Variants in RBFOX1 observed in about 807,000 individuals in gnomAD.
RBFOX1 encodes RNA binding fox-1 homolog 1, also known as RNA binding protein fox-1 homolog 1.
In RBFOX1, 8 loss-of-function variants were observed where a neutral mutation model predicts 57.7. That is an observed-to-expected ratio of 0.14 (90% CI 0.08 to 0.25). The LOEUF (loss-of-function observed/expected upper bound fraction) is 0.25. Ranked by LOEUF, RBFOX1 falls within the 10% of genes least tolerant of loss-of-function variation. RBFOX1 has a pLI of 1.00. For synonymous variants in RBFOX1, 326 were observed against 222.4 expected (o/e 1.47, Z -4.15); for missense variants, 611 against 548.5 (o/e 1.11, Z -1.14).
intron 2 of RBFOX1, among the ~76,000 whole-genome samples, chr16:6,354,401 C>T (rs1025920479): frequency 9.2e-5 from 14 of 152,136 alleles, no homozygotes; most frequent in East Asian, 3.9e-4. Flanking sequence ...ATCACCTCTC[C>T]GCTTCCACTC....
At position 6,637,167 on chromosome 16, in the gene RBFOX1, T is replaced by TTAAA. The variant is rs572425812; in HGVS notation, c.-63-17434_-63-17433insAATA. Among the ~76,000 whole-genome samples, 132 of 82,058 alleles carry TTAAA rather than the reference T, an allele frequency of 1.6e-3. 3 individuals are homozygous for TTAAA. The highest frequency in any genetic ancestry group is 8.1e-3 in the African/African-American group (127 of 15,764). The allele number at this position is 82,058 out of a possible 152,430, so 53.8% of individuals were successfully genotyped here. ...TATAATATACAATATATATTATATATTATATATATTATATAATATACAATA... is the reference window on the plus strand; with the variant it reads ...TATAATATACAATATATATTATATATTAAATATATATATTATATAATATACAATA... On this transcript the variant is annotated intron_variant, in intron 2 of 15. Transcript: ENST00000550418.
intron 2 of RBFOX1, among the ~76,000 whole-genome samples, chr16:6,533,686 T>C (rs2096693842): frequency 6.6e-6 from 1 of 152,126 alleles, no homozygotes; most frequent in Admixed American, 6.6e-5. Context: ...AATGGAAACA[T>C]TTAACTCAGA....
At chr16:7,436,112 G>A (rs1396792388) in intron 4 of RBFOX1, among the ~76,000 whole-genome samples, 1 of 152,168 alleles carries the variant, frequency 6.6e-6, no homozygotes, top group Admixed American at 6.5e-5. Context: ...ACTCAAGATA[G>A]CCTTTTTGGA....
intron 4 of RBFOX1, among the ~76,000 whole-genome samples, chr16:7,199,710 C>A (rs7205821): frequency 1.3e-5 from 2 of 152,068 alleles, no homozygotes; most frequent in Non-Finnish European, 2.9e-5. Flanking sequence ...CCTTTGCCAA[C>A]GTGGTGAAAC....
chr16:6,441,561 C>G (rs548167647), intron 2 of RBFOX1, among the ~76,000 whole-genome samples: 10 of 152,154 alleles, frequency 6.6e-5, no homozygotes, highest in Admixed American at 6.5e-4. Context: ...GGATTACAGG[C>G]GTGTGCCACC....
intron 3 of RBFOX1, among the ~76,000 whole-genome samples, chr16:6,778,067 G>A (rs1372796449): frequency 6.6e-6 from 1 of 152,028 alleles, no homozygotes; most frequent in African/African-American, 2.4e-5. Context: ...CAACATAAAC[G>A]GAATAACAAA....
chr16:5,641,477 A>T (rs1002086474), intron 3 of RBFOX1, among the ~76,000 whole-genome samples: 7 of 152,216 alleles, frequency 4.6e-5, no homozygotes, highest in Non-Finnish European at 8.8e-5. Flanking sequence ...GGATAAGGGT[A>T]AGTAGAAAGG....
At position 5,851,165 on chromosome 16, in the gene RBFOX1, A is replaced by G. The variant is rs372352906; in HGVS notation, c.319-16138A>G. On this transcript the variant is annotated intron_variant, in intron 3 of 19. Coordinates refer to the RBFOX1 transcript ENST00000641259. ...ATTCTGGGTTGTGAAGCCAGACCCTATGACGGTAGTAACTCTCCCGCTAGT... is the reference window on the plus strand; with the variant it reads ...ATTCTGGGTTGTGAAGCCAGACCCTGTGACGGTAGTAACTCTCCCGCTAGT... Among the ~76,000 whole-genome samples the G allele has an allele frequency of 2.6e-5, 4 of 152,252 alleles. No homozygotes were observed. The East Asian group carries it at 7.7e-4, about 29-fold the overall frequency.
At chr16:6,681,770 A>G (rs2058688685) in intron 3 of RBFOX1, among the ~76,000 whole-genome samples, 2 of 152,106 alleles carry the variant, frequency 1.3e-5, no homozygotes, top group African/African-American at 4.8e-5. Flanking sequence ...ACTCTCTGTA[A>G]TTCAGTTCTC....
At chr16:5,536,491 C>T (rs1295087899) in intron 2 of RBFOX1, among the ~76,000 whole-genome samples, 2 of 152,050 alleles carry the variant, frequency 1.3e-5, no homozygotes, top group African/African-American at 4.8e-5. Flanking sequence ...CTGCCTTGGC[C>T]TCCCAAAGTG....
At chr16:7,429,800 A>T (rs905526195) in intron 4 of RBFOX1, among the ~76,000 whole-genome samples, 36 of 152,192 alleles carry the variant, frequency 2.4e-4, no homozygotes, top group African/African-American at 8.4e-4. Context: ...TTATTTCCCT[A>T]ACAGCAAACT....
intron 2 of RBFOX1, among the ~76,000 whole-genome samples, chr16:6,426,829 C>T (rs535195233): frequency 1.3e-5 from 2 of 152,282 alleles, no homozygotes; most frequent in East Asian, 1.9e-4. Flanking sequence ...CACATGTCTC[C>T]TGGGTTCTGC....
chr16:7,135,833 T>G (rs1204331890), intron 4 of RBFOX1, among the ~76,000 whole-genome samples: 1 of 152,256 alleles, frequency 6.6e-6, no homozygotes, highest in Admixed American at 6.5e-5. Flanking sequence ...GACTGCAGAT[T>G]GGCCTTTTCA....
intron 4 of RBFOX1, among the ~76,000 whole-genome samples, chr16:7,506,720 G>A (rs116016778): frequency 1.3e-5 from 2 of 151,998 alleles, no homozygotes; most frequent in Non-Finnish European, 2.9e-5. Context: ...ACTAATGTAC[G>A]AGATCCATGT....
downstream of RBFOX1, among the ~76,000 whole-genome samples, chr16:5,604,294 G>A (rs1301030626): frequency 3.3e-5 from 5 of 152,206 alleles, no homozygotes; most frequent in African/African-American, 1.2e-4. Flanking sequence ...TCTGGACACA[G>A]CTGAACTGGG....
chr16:7,086,582 A>C (rs929169761), intron 4 of RBFOX1, among the ~76,000 whole-genome samples: 1 of 152,202 alleles, frequency 6.6e-6, no homozygotes, highest in African/African-American at 2.4e-5. Flanking sequence ...GAAAAAAATT[A>C]TGGATACTTT....
intron 2 of RBFOX1, among the ~76,000 whole-genome samples, chr16:6,582,262 A>G (rs2097546800): frequency 6.6e-6 from 1 of 152,224 alleles, no homozygotes. Context: ...ATTTATGATT[A>G]GCTATTATTT....
rs1481870808 is a variant in RBFOX1, at chr16:6,882,600, T to G, written c.-15-169457T>G. Among the ~76,000 whole-genome samples, 3 of 152,060 alleles carry G rather than the reference T, an allele frequency of 2.0e-5. No individual in the cohort carries two copies. In the East Asian group the frequency reaches 5.8e-4, roughly 29 times the overall value. On this transcript the variant is annotated intron_variant, in intron 3 of 15. Transcript: ENST00000550418. The stretch of plus-strand genomic sequence containing the variant: ...GGCAGAGTTAAACTCTGAAAATAAA[T>G]AAATATAAATAAATAAATAAGATCA...
At position 7,473,740 on chromosome 16, in the gene RBFOX1, C is replaced by T. The variant is rs115878329; in HGVS notation, c.28-44407C>T. Among the ~76,000 whole-genome samples the T allele has an allele frequency of 2.9e-3, 434 of 152,136 alleles. 3 individuals are homozygous for T. Among genetic ancestry groups the T allele is most frequent in the African/African-American group, 0.01 (420 of 41,500 alleles). On this transcript the variant is annotated intron_variant, in intron 4 of 15. Coordinates refer to ENST00000550418, the MANE Select transcript of RBFOX1 (RefSeq NM_018723.4). ...CTTCTGATTTACTAGTATGCTCCCT[C>T]CCCAACCTCCACTTCTTGGCTGTGT...
Sources: gnomAD v4.1 joint callset for allele counts (sites outside exome capture counted in the v4.1 genomes callset) on GRCh38, gnomAD v4.1.1 for gene constraint, MANE v1.5 for transcripts, NCBI Gene and HGNC (gene_info 2026-07-23, HGNC 2026-07-21) for gene names.